Variants in ADGRL3 observed in about 807,000 individuals in gnomAD.
ADGRL3 encodes the protein calcium-independent alpha-latrotoxin receptor 3.
Under a neutral mutation model 153.5 loss-of-function variants are expected in ADGRL3, and 62 were observed. The ratio of observed to expected loss-of-function variants is 0.40; its 90% CI spans 0.33 to 0.50. The LOEUF (loss-of-function observed/expected upper bound fraction) is 0.50, where lower values mean the gene tolerates loss of function less well. ADGRL3 is among the 20% of genes least tolerant of loss of function. The pLI is 0.47. For missense variants in ADGRL3, 1,641 were observed against 1,859.4 expected (o/e 0.88, Z 2.16); for synonymous variants, 710 against 672.5 (o/e 1.06, Z -0.86).
At chr4:61,510,045 G>T (rs1408855293) in intron 3 of ADGRL3, among the ~76,000 whole-genome samples, 2 of 152,150 alleles carry the variant, frequency 1.3e-5, no homozygotes, top group Non-Finnish European at 2.9e-5. Context: ...TTTTGTGTTT[G>T]TTGGCCGCTT....
chr4:61,966,893 G>T (rs139830491), intron 17 of ADGRL3, among the ~76,000 whole-genome samples: 26 of 152,122 alleles, frequency 1.7e-4, no homozygotes, highest in Non-Finnish European at 3.4e-4. Flanking sequence ...CCTATATTTG[G>T]TCACAGAAGG....
intron 8 of ADGRL3, among the ~76,000 whole-genome samples, chr4:61,786,435 TAAAG>T (rs1447460391): frequency 6.6e-6 from 1 of 151,930 alleles, no homozygotes; most frequent in Admixed American, 6.6e-5. Context: ...AGACTTTAAA[TAAAG>T]AAACCAGATG....
intron 13 of ADGRL3, among the ~76,000 whole-genome samples, chr4:61,920,868 CATTAGT>C (rs1294955738): frequency 6.6e-6 from 1 of 152,150 alleles, no homozygotes; most frequent in African/African-American, 2.4e-5. Flanking sequence ...TTAAATACTT[CATTAGT>C]AGGTGCAGCT....
chr4:61,752,076 G>T (rs2096764035), intron 8 of ADGRL3, among the ~76,000 whole-genome samples: 1 of 152,064 alleles, frequency 6.6e-6, no homozygotes, highest in Admixed American at 6.6e-5. Flanking sequence ...CTGCTGGTTG[G>T]AATATAAAAT....
intron 1 of ADGRL3, among the ~76,000 whole-genome samples, chr4:61,358,150 A>T (rs189218323): frequency 6.6e-6 from 1 of 152,288 alleles, no homozygotes; most frequent in African/African-American, 2.4e-5. Flanking sequence ...CCAAAGTTTA[A>T]TTCTCAGTTC....
chr4:61,563,679 A>C (rs1005512860), intron 4 of ADGRL3, among the ~76,000 whole-genome samples: 5 of 152,134 alleles, frequency 3.3e-5, no homozygotes, highest in African/African-American at 7.2e-5. Context: ...TTGCTATTTC[A>C]CCTCACACTT....
chr4:61,985,982 T>A (rs2099084183), intron 19 of ADGRL3, among the ~76,000 whole-genome samples: 3 of 150,606 alleles, frequency 2.0e-5, no homozygotes, highest in South Asian at 4.2e-4. Flanking sequence ...GTTAGGTTGA[T>A]ATAGGTTTGT....
At chr4:61,964,031 A>T (rs2098997600) in intron 17 of ADGRL3, among the ~76,000 whole-genome samples, 1 of 152,208 alleles carries the variant, frequency 6.6e-6, no homozygotes, top group Non-Finnish European at 1.5e-5. Flanking sequence ...AATCCATAGC[A>T]TCACAAAAGG....
At chr4:61,371,278 G>A (rs1377967637) in intron 1 of ADGRL3, among the ~76,000 whole-genome samples, 4 of 151,068 alleles carry the variant, frequency 2.6e-5, no homozygotes, top group African/African-American at 9.7e-5. Flanking sequence ...TCATTATGAT[G>A]TTAGCTGGTT....
intron 4 of ADGRL3, among the ~76,000 whole-genome samples, chr4:61,525,460 G>T (rs1263411494): frequency 6.6e-6 from 1 of 152,108 alleles, no homozygotes; most frequent in East Asian, 1.9e-4. Context: ...CTTAGAAGGG[G>T]GTCTTAAATG....
intron 2 of ADGRL3, among the ~76,000 whole-genome samples, chr4:61,407,309 GTAGA>G (rs2097014858): frequency 1.3e-5 from 2 of 152,098 alleles, no homozygotes; most frequent in African/African-American, 4.8e-5. Flanking sequence ...TATTACAGAA[GTAGA>G]TAGGTCATTA....
At chr4:61,742,057 T>A (rs2096586799) in intron 8 of ADGRL3, among the ~76,000 whole-genome samples, 1 of 152,140 alleles carries the variant, frequency 6.6e-6, no homozygotes, top group Non-Finnish European at 1.5e-5. Flanking sequence ...GGAATAGTGT[T>A]GTTGCTCTTC....
chr4:61,444,898 C>T (rs1338354111), intron 2 of ADGRL3, among the ~76,000 whole-genome samples: 1 of 151,868 alleles, frequency 6.6e-6, no homozygotes, highest in Non-Finnish European at 1.5e-5. Context: ...ATAAAAAATA[C>T]AAAAATTACC....
At chr4:61,646,417 T>A (rs2093987688) in intron 5 of ADGRL3, among the ~76,000 whole-genome samples, 1 of 152,056 alleles carries the variant, frequency 6.6e-6, no homozygotes, top group Non-Finnish European at 1.5e-5. Context: ...TTTGTGGTTT[T>A]ATCTACTTTT....
intron 1 of ADGRL3, among the ~76,000 whole-genome samples, chr4:61,324,212 G>T (rs910857573): frequency 6.6e-6 from 1 of 152,120 alleles, no homozygotes; most frequent in African/African-American, 2.4e-5. Context: ...TTTGGGTGGG[G>T]ACACAGAGCC....
At chr4:61,887,899 C>A (rs1028940752) in intron 9 of ADGRL3, among the ~76,000 whole-genome samples, 4 of 151,946 alleles carry the variant, frequency 2.6e-5, no homozygotes, top group Non-Finnish European at 2.9e-5. Flanking sequence ...AAGAACTTTA[C>A]AAGTATTTAT....
intron 5 of ADGRL3, among the ~76,000 whole-genome samples, chr4:61,672,196 G>A (rs908282035): frequency 6.6e-6 from 1 of 152,060 alleles, no homozygotes; most frequent in Non-Finnish European, 1.5e-5. Context: ...GGTTTTACCT[G>A]TAAATCTTTA....
intron 6 of ADGRL3, among the ~76,000 whole-genome samples, chr4:61,687,253 C>A (rs1255497785): frequency 6.6e-6 from 1 of 151,632 alleles, no homozygotes; most frequent in Non-Finnish European, 1.5e-5. Flanking sequence ...GAATATGTCA[C>A]CTTAACAGTC....
At chr4:62,007,383 T>TATAC (rs71213024) in intron 21 of ADGRL3, among the ~76,000 whole-genome samples, 1,069 of 30,766 alleles carry the variant, frequency 0.035, 54 homozygotes, top group African/African-American at 0.13. Flanking sequence ...TATATATATA[T>TATAC]ACACACACAC....
Sources: allele counts gnomAD v4.1 joint callset (sites outside exome capture counted in the v4.1 genomes callset), GRCh38; gene constraint gnomAD v4.1.1; transcripts MANE v1.5; gene names NCBI Gene and HGNC (gene_info 2026-07-23, HGNC 2026-07-21).